The following PRPF40B variants were observed in gnomAD, a reference collection of about 807,000 sequenced individuals.
PRPF40B encodes pre-mRNA-processing factor 40 homolog B.
A neutral mutation model predicts 124.5 loss-of-function variants in PRPF40B; 56 were observed. That is an observed-to-expected ratio of 0.45 (90% CI 0.36 to 0.56). PRPF40B has a LOEUF of 0.56. PRPF40B is among the 20% of genes least tolerant of loss of function. PRPF40B has a pLI of 0.00. For synonymous variants in PRPF40B, 443 were observed against 426.4 expected, an observed-to-expected ratio of 1.04 and a Z score of -0.48; for missense variants, 1,053 against 1,169.5, an observed-to-expected ratio of 0.90 and a Z score of 1.45.
At position 49,642,037 on chromosome 12, in the gene PRPF40B, G is replaced by T; in HGVS notation, c.1884+13G>T. The T allele has an allele frequency of 6.2e-7, 1 of 1,610,588 alleles. No homozygotes were observed. The stretch of plus-strand genomic sequence containing the variant: ...GACCTTCAATAGTGTGAGGGGCTGG[G>T]CGGGGCGTGGGAAGTTCTCTAATTC... On this transcript the variant is annotated intron_variant, in intron 19 of 25. Transcript: ENST00000548825. This position sits in a 1 kb window ranked among gnomAD's most constrained non-coding sequence, Gnocchi z 5.8.
chr12:49,629,938 A>G (rs147757064), intron 1 of PRPF40B, among the ~76,000 whole-genome samples: 5 of 152,352 alleles, frequency 3.3e-5, no homozygotes, highest in African/African-American at 4.8e-5. Context: ...AAAGAGATGA[A>G]GTTGGCGATT....
At chr12:49,636,039 C>T (rs748033270) in intron 15 of PRPF40B, 46 bp downstream of exon 15, 5 of 1,607,480 alleles carry the variant, frequency 3.1e-6, no homozygotes, top group Non-Finnish European at 4.3e-6. Context: ...CCTTTCTTTA[C>T]TGGACCTGGG....
chr12:49,643,960 G>A lies in PRPF40B; in HGVS notation c.2542G>A (p.Glu848Lys). Residue 848 changes from glutamate to lysine, a missense_variant, in exon 25 of 26, where the codon GAG becomes AAG. Physicochemically the swap from Glu to Lys is moderately conservative, Grantham distance 56 (BLOSUM62 1). Transcript: ENST00000548825. ...CAAGGACAGGGAGCTCCAACAGGCA[G>A]AGCTCCCTAACCGTTCCCCAGGCTT... ...QDKDRELQQA[E>K]LPNRSPGFGI... is the part of the protein sequence containing the mutation. The A allele has an allele frequency of 6.2e-7, 1 of 1,614,194 alleles. No individual in the cohort carries two copies. Among genetic ancestry groups the A allele is most frequent in the Non-Finnish European group, 8.5e-7 (1 of 1,180,040 alleles).
intron 18 of PRPF40B, chr12:49,639,773 CAG>C (rs1015689207): frequency 5.9e-5 from 9 of 151,938 alleles, no homozygotes; most frequent in African/African-American, 2.2e-4. Flanking sequence ...AGGAAGGAAT[CAG>C]AGGTGTCAGG....
At position 49,636,868 on chromosome 12, in the gene PRPF40B, C is replaced by G. The variant is rs1202640412; in HGVS notation, c.1560+19C>G. ...CTTCCAGGTATCTTTGCTGTCCTTT[C>G]TAGATCAGAGCTCAGCTCTGCCCTA... is the stretch of plus-strand genomic sequence containing the variant. On this transcript the variant is annotated intron_variant, in intron 16 of 25. Coordinates refer to ENST00000548825, the MANE Select transcript of PRPF40B (RefSeq NM_001031698.3). 4.3e-6 allele frequency: 7 copies of G among 1,612,966 alleles called. No homozygotes were observed. Among genetic ancestry groups the G allele is most frequent in the Non-Finnish European group, 5.9e-6 (7 of 1,179,974 alleles).
At chr12:49,627,484 TGGGGTTGGCA>T (rs1592573293) in intron 1 of PRPF40B, among the ~76,000 whole-genome samples, 1 of 152,054 alleles carries the variant, frequency 6.6e-6, no homozygotes, top group East Asian at 1.9e-4. Context: ...GCAAGGTGTG[TGGGGTTGGCA>T]GGGCCAACCC....
intron 18 of PRPF40B, 115 bp downstream of exon 18, chr12:49,637,939 A>T: frequency 1.3e-6 from 1 of 773,338 alleles, no homozygotes; most frequent in African/African-American, 1.7e-5. Context: ...TTCAGCAGAT[A>T]TCTACTGTGA....
chr12:49,635,266 CA>C lies in PRPF40B; in HGVS notation c.1166+4del. On this transcript the variant is annotated splice_donor_region_variant and intron_variant, in intron 13 of 25. Coordinates refer to ENST00000548825, the MANE Select transcript of PRPF40B (RefSeq NM_001031698.3). This position sits in a 1 kb window ranked among gnomAD's most constrained non-coding sequence, Gnocchi z 4.1. Reference sequence around the variant, plus strand: ...ATGACCTCCACCACCCGCTACCGGTCAGGGGGCCAGGCTGGGCTGGGACTTG... The same window carrying C: ...ATGACCTCCACCACCCGCTACCGGTCGGGGGCCAGGCTGGGCTGGGACTTG... 6.2e-7 allele frequency: 1 copy of C among 1,612,350 alleles called. No homozygotes were observed. Among genetic ancestry groups the C allele is most frequent in the Non-Finnish European group, 8.5e-7 (1 of 1,179,086 alleles).
chr12:49,640,065 C>A (rs2138602729), intron 18 of PRPF40B: 1 of 152,352 alleles, frequency 6.6e-6, no homozygotes, highest in East Asian at 1.9e-4. Context: ...TTCCCTTCCT[C>A]TTTCCCCATT....
At position 49,644,658 on chromosome 12, in the gene PRPF40B, A is replaced by G. The variant is rs1377034382; in HGVS notation, c.*466A>G. The G allele has an allele frequency of 5.5e-6, 1 of 182,442 alleles. No homozygotes were observed. Among genetic ancestry groups the G allele is most frequent in the Non-Finnish European group, 1.2e-5 (1 of 84,216 alleles). 11.3% of individuals were successfully genotyped at this position (182,442 alleles called of 1,614,324 possible). Reference sequence around the variant, plus strand: ...TTTTGTTTTTTAAATAACAATATTTATAACATGGCCAGTGACTCTTTTCCA... The same window carrying G: ...TTTTGTTTTTTAAATAACAATATTTGTAACATGGCCAGTGACTCTTTTCCA... On this transcript the variant is annotated 3_prime_UTR_variant, in exon 26 of 26. Coordinates refer to ENST00000548825, the MANE Select transcript of PRPF40B (RefSeq NM_001031698.3).
chr12:49,641,231 A>C (rs1025842919), intron 18 of PRPF40B: 3 of 152,216 alleles, frequency 2.0e-5, no homozygotes, highest in Admixed American at 2.0e-4. Flanking sequence ...ATTGGTGGGG[A>C]GCTGCACACC....
Position 49,642,157 on chromosome 12 carries a change from A to G in PRPF40B, c.1885-78A>G, listed in dbSNP as rs1942756921. The stretch of plus-strand genomic sequence containing the variant: ...GTAGAAGCCCAGACCCTAACTTTCC[A>G]CCTCCTAAGGTATGCCTGAGTGGGA... On this transcript the variant is annotated intron_variant, in intron 19 of 25. Transcript: ENST00000548825. The surrounding 1 kb of genome is among the most constrained non-coding windows in gnomAD (Gnocchi z 5.8). 6.2e-7 allele frequency: 1 copy of G among 1,608,554 alleles called. No homozygotes were observed. Among genetic ancestry groups the G allele is most frequent in the Non-Finnish European group, 8.5e-7 (1 of 1,176,346 alleles).
chr12:49,627,905 T>C (rs1163948887), intron 1 of PRPF40B, among the ~76,000 whole-genome samples: 1 of 152,124 alleles, frequency 6.6e-6, no homozygotes, highest in Non-Finnish European at 1.5e-5. Flanking sequence ...TGGTGATTTA[T>C]TGGCAAGGAA....
At position 49,632,996 on chromosome 12, in the gene PRPF40B, G is replaced by GGGGGGCCCCCCCC; in HGVS notation, c.349-18_349-17insGGGGGCCCCCCCC. 2.6e-6 allele frequency: 3 copies of GGGGGGCCCCCCCC among 1,147,392 alleles called. No homozygotes were observed. The highest frequency in any genetic ancestry group is 3.6e-6 in the Non-Finnish European group (3 of 823,008). The allele number at this position is 1,147,392 out of a possible 1,614,324, so 71.1% of individuals were successfully genotyped here. On this transcript the variant is annotated splice_polypyrimidine_tract_variant and intron_variant, in intron 6 of 25. Coordinates refer to ENST00000548825, the MANE Select transcript of PRPF40B (RefSeq NM_001031698.3). The stretch of plus-strand genomic sequence containing the variant: ...AAAGGGGCCTTGACCACCATTCTGT[G>GGGGGGCCCCCCCC]CCCCCCCCCCCACCCAGAGGGCCCT...
chr12:49,644,427 A>G lies in PRPF40B; in HGVS notation c.*235A>G, dbSNP rs1024307817. The G allele has an allele frequency of 1.8e-5, 10 of 548,240 alleles. No homozygotes were observed. Among genetic ancestry groups the G allele is most frequent in the Non-Finnish European group, 2.0e-5 (6 of 301,972 alleles). The allele number at this position is 548,240 out of a possible 1,614,324, so 34.0% of individuals were successfully genotyped here. ...CAGCCCCAGACCAGAGATGGGTGGTATATGCCATGTGGGGTGGGTGATGCC... is the reference window on the plus strand; with the variant it reads ...CAGCCCCAGACCAGAGATGGGTGGTGTATGCCATGTGGGGTGGGTGATGCC... On this transcript the variant is annotated 3_prime_UTR_variant, in exon 26 of 26. Coordinates refer to ENST00000548825, the MANE Select transcript of PRPF40B (RefSeq NM_001031698.3).
chr12:49,628,973 C>G (rs1190663229), intron 1 of PRPF40B, among the ~76,000 whole-genome samples: 2 of 152,212 alleles, frequency 1.3e-5, no homozygotes, highest in Non-Finnish European at 2.9e-5. Flanking sequence ...AGCCAGATAC[C>G]ACCTTTCCCC....
chr12:49,632,996 G>GGGGGGCCCCCCCCCCCC lies in PRPF40B; in HGVS notation c.349-18_349-17insGGGGGCCCCCCCCCCCC. 1 of 1,147,398 alleles carries GGGGGGCCCCCCCCCCCC rather than the reference G, an allele frequency of 8.7e-7. No homozygotes were observed. Among genetic ancestry groups the GGGGGGCCCCCCCCCCCC allele is most frequent in the Non-Finnish European group, 1.2e-6 (1 of 823,012 alleles). The allele number at this position is 1,147,398 out of a possible 1,614,324, so 71.1% of individuals were successfully genotyped here. A position where few individuals can be genotyped will look rare whatever the true frequency, so the allele number is the denominator to read the frequency against. ...AAAGGGGCCTTGACCACCATTCTGT[G>GGGGGGCCCCCCCCCCCC]CCCCCCCCCCCACCCAGAGGGCCCT... On this transcript the variant is annotated splice_polypyrimidine_tract_variant and intron_variant, in intron 6 of 25. Coordinates refer to ENST00000548825, the MANE Select transcript of PRPF40B (RefSeq NM_001031698.3).
rs780065545 is a variant in PRPF40B at position 49,644,054 on chromosome 12, G to A, written c.2587-46G>A. The A allele has an allele frequency of 1.1e-5, 17 of 1,614,002 alleles. No homozygotes were observed. The East Asian group carries it at 2.0e-4, about 19-fold the overall frequency. On this transcript the variant is annotated intron_variant, in intron 25 of 25. Transcript: ENST00000548825. ...GTCAGCACGCTGGTCAAGCTTCCAC[G>A]GCCCTTAGTGCAGGCTAAGGGTGAA... is the stretch of plus-strand genomic sequence containing the variant.
rs766700373 is a variant in PRPF40B, at chr12:49,642,054, C to A, written c.1884+30C>A. ...GGGGCTGGGCGGGGCGTGGGAAGTTCTCTAATTCATCTGTGTCTTGCTCCA... is the reference window on the plus strand; with the variant it reads ...GGGGCTGGGCGGGGCGTGGGAAGTTATCTAATTCATCTGTGTCTTGCTCCA... On this transcript the variant is annotated intron_variant, in intron 19 of 25. Coordinates refer to ENST00000548825, the MANE Select transcript of PRPF40B (RefSeq NM_001031698.3). This position sits in a 1 kb window ranked among gnomAD's most constrained non-coding sequence, Gnocchi z 5.8. 4 of 1,607,788 alleles carry A rather than the reference C, an allele frequency of 2.5e-6. No homozygotes were observed. In the African/African-American group the frequency reaches 4.0e-5, roughly 16 times the overall value.
Sources: gnomAD v4.1 joint callset for allele counts (sites outside exome capture counted in the v4.1 genomes callset) on GRCh38, gnomAD v4.1.1 for gene constraint, Gnocchi (gnomAD v3.1) non-coding constraint, MANE v1.5 for transcripts, NCBI Gene and HGNC (gene_info 2026-07-23, HGNC 2026-07-21) for gene names.